PLXNB2: variants seen among roughly 807,000 people sequenced by gnomAD.
PLXNB2 encodes the protein plexin B2, also known as plexin-B2.
Under a neutral mutation model 202.6 loss-of-function variants are expected in PLXNB2, and 85 were observed. That is an observed-to-expected ratio of 0.42 (90% confidence interval 0.35 to 0.50). The LOEUF is 0.50. Ranked by LOEUF, PLXNB2 falls within the 20% of genes least tolerant of loss-of-function variation. The probability of loss-of-function intolerance (pLI) is 0.02; values close to 1 mark genes in which losing one functional copy is unlikely to be tolerated. For missense variants in PLXNB2, 2,063 were observed against 2,586.2 expected (o/e 0.80, Z 4.39); for synonymous variants, 1,239 against 1,137.6 (o/e 1.09, Z -1.79).
intron 1 of PLXNB2, among the ~76,000 whole-genome samples, chr22:50,304,314 TG>T (rs1218936887): frequency 6.6e-6 from 1 of 151,824 alleles, no homozygotes; most frequent in Non-Finnish European, 1.5e-5. Flanking sequence ...GTGGATCCAC[TG>T]GGGGGGTGCG....
At position 50,276,630 on chromosome 22, in the gene PLXNB2, C is replaced by G; in HGVS notation, c.5336G>C (p.Arg1779Pro). Reference protein sequence around the residue: ...DMNTHLAEISRAHTDSLNTLV... With the variant: ...DMNTHLAEISPAHTDSLNTLV... ...GTGCGTCCCTGGTGGTCTCCTTACC[C>G]GGGAAATCTCTGCCAGGTGTGTGTT... Residue 1779 changes from arginine to proline, a missense_variant and splice_region_variant, in exon 35 of 37, where the codon CGG becomes CCG. By Grantham distance (103) the Arg-to-Pro change is moderately radical. Transcript: ENST00000359337. 1 of 1,612,618 alleles carries G rather than the reference C, an allele frequency of 6.2e-7. No individual in the cohort carries two copies. The highest frequency in any genetic ancestry group is 8.5e-7 in the Non-Finnish European group (1 of 1,178,804).
intron 25 of PLXNB2, 143 bp downstream of exon 25, chr22:50,280,346 C>G (rs2065898918): frequency 1.3e-6 from 1 of 779,076 alleles, no homozygotes. Flanking sequence ...GACACCACCC[C>G]TAGACCGCCC....
At chr22:50,276,930 T>C (rs2065642009) in intron 33 of PLXNB2, 24 bp from the exon 34 acceptor site, 1 of 1,573,996 alleles carries the variant, frequency 6.4e-7, no homozygotes, top group Non-Finnish European at 8.6e-7. Context: ...AACCCAGTGA[T>C]GCCTGGCCAA....
chr22:50,286,320 G>A (rs1050320934), intron 8 of PLXNB2, 33 bp from the exon 9 acceptor site: 2 of 1,528,852 alleles, frequency 1.3e-6, no homozygotes, highest in South Asian at 2.2e-5. Flanking sequence ...TGTCAAGGTG[G>A]CGGCCGCAGG....
At position 50,283,712 on chromosome 22, in the gene PLXNB2, G is replaced by A; in HGVS notation, c.2460C>T (p.Arg820=). 2 of 1,613,154 alleles carry A rather than the reference G, an allele frequency of 1.2e-6. No individual in the cohort carries two copies. Among genetic ancestry groups the A allele is most frequent in the Non-Finnish European group, 1.7e-6 (2 of 1,179,948 alleles). The change falls in exon 15 of 37, where the codon CGC becomes CGT. Residue 820 remains arginine, a synonymous_variant. Transcript: ENST00000359337. ...PETGPLGGGI[R]ITILGSNLGV... ...CCAAATTGGACCCCAGGATGGTGAT[G>A]CGGATGCCCCCACCCAGGGGGCCCG...
chr22:50,286,354 C>A, intron 8 of PLXNB2, 67 bp from the exon 9 acceptor site: 2 of 1,168,892 alleles, frequency 1.7e-6, no homozygotes, highest in South Asian at 2.5e-5. Context: ...CTGGGCCTCC[C>A]CTGGGGCTGA....
Position 50,287,966 on chromosome 22 carries a change from G to A in PLXNB2, c.1452C>T (p.Pro484=), listed in dbSNP as rs748337194. Residue 484 remains proline (P), a synonymous_variant, in exon 6 of 37, where the codon CCC becomes CCT. Transcript: ENST00000359337. ...CCTCGACGACGCACCAGCCGCAGTA[G>A]GGGTCCTGGGAGTCGCGGCACTGGG... ...TCTQCRDSQD[P]YCGWCVVEGR... The A allele has an allele frequency of 3.2e-6, 5 of 1,586,526 alleles. No individual in the cohort carries two copies. The highest frequency in any genetic ancestry group is 1.7e-4 in the Middle Eastern group (1 of 6,034).
intron 35 of PLXNB2, among the ~76,000 whole-genome samples, 189 bp from the exon 36 acceptor site, chr22:50,276,152 A>G (rs911580916): frequency 3.0e-4 from 45 of 151,842 alleles, no homozygotes; most frequent in African/African-American, 1.1e-3. Flanking sequence ...AGTTGTGCAC[A>G]TCCAACCATC....
rs1278937702 is a variant in PLXNB2 at position 50,290,075 on chromosome 22, C to T, written c.510G>A (p.Val170=). ...TGTCGTGTGGCCCATTGCCTTTGCC[C>T]ACAAACAGCACGCGGTCACCACCAG... ...TGPGGDRVLF[V]GKGNGPHDNG... is the part of the protein sequence containing the mutation. The change falls in exon 3 of 37, where the codon GTG becomes GTA. Residue 170 remains valine, a synonymous_variant. Transcript: ENST00000359337. 6.2e-7 allele frequency: 1 copy of T among 1,613,340 alleles called. No individual in the cohort carries two copies. Among genetic ancestry groups the T allele is most frequent in the Admixed American group, 1.7e-5 (1 of 60,020 alleles).
chr22:50,292,312 T>C (rs939188757), intron 2 of PLXNB2, among the ~76,000 whole-genome samples: 2 of 126,218 alleles, frequency 1.6e-5, no homozygotes, highest in Non-Finnish European at 3.1e-5. Flanking sequence ...CACTCCAGCC[T>C]GGGTGACAGA....
chr22:50,282,151 C>T lies in PLXNB2; in HGVS notation c.3117+33G>A, dbSNP rs141701432. The T allele has an allele frequency of 4.0e-4, 639 of 1,603,942 alleles. 7 individuals are homozygous for T. The South Asian group carries it at 6.2e-3, about 16-fold the overall frequency. ...CCTTCCTGGGCACGATCCCATGGGC[C>T]GGTGCCAGAGCTGAGCCCACGCCAG... On this transcript the variant is annotated intron_variant, in intron 19 of 36. Coordinates refer to ENST00000359337, the MANE Select transcript of PLXNB2 (RefSeq NM_012401.4).
chr22:50,289,085 G>T lies in PLXNB2; in HGVS notation c.1126C>A (p.Arg376Ser). ...ACGGCTGTGCCTCTGAGCCCGTCGCGGCTGCCCAGCGGGTAGGGCAGGTGC... is the reference window on the plus strand; with the variant it reads ...ACGGCTGTGCCTCTGAGCCCGTCGCTGCTGCCCAGCGGGTAGGGCAGGTGC... ...SEHLPYPLGS[R>S]DGLRGTAVLQ... The change falls in exon 4 of 37, where the codon CGC becomes AGC. Residue 376 changes from arginine (R) to serine (S), a missense_variant. Physicochemically the swap from Arg to Ser is moderately radical, Grantham distance 110. Coordinates refer to ENST00000359337, the MANE Select transcript of PLXNB2 (RefSeq NM_012401.4). This position sits in a 1 kb window ranked among gnomAD's most constrained non-coding sequence, Gnocchi z 8.0. 6.3e-7 allele frequency: 1 copy of T among 1,599,286 alleles called. No individual in the cohort carries two copies. The highest frequency in any genetic ancestry group is 1.1e-5 in the South Asian group (1 of 90,738).
chr22:50,298,026 C>A (rs1397559542), intron 1 of PLXNB2, among the ~76,000 whole-genome samples: 1 of 152,174 alleles, frequency 6.6e-6, no homozygotes, highest in Non-Finnish European at 1.5e-5. Flanking sequence ...AGGGACTGGC[C>A]TTGCTCTGTG....
Position 50,275,594 on chromosome 22 carries a change from C to A in PLXNB2, c.*110G>T, listed in dbSNP as rs891316375. ...GCTGCACCCACTCCGGCTTGGGGCG[C>A]GTTCCAGGGGAGGGTGGGGGCCTCA... On this transcript the variant is annotated 3_prime_UTR_variant, in exon 37 of 37. Coordinates refer to ENST00000359337, the MANE Select transcript of PLXNB2 (RefSeq NM_012401.4). 2 of 744,162 alleles carry A rather than the reference C, an allele frequency of 2.7e-6. No homozygotes were observed. Among genetic ancestry groups the A allele is most frequent in the Non-Finnish European group, 4.5e-6 (2 of 440,810 alleles). The allele number at this position is 744,162 out of a possible 1,614,324, so 46.1% of individuals were successfully genotyped here.
chr22:50,284,273 G>A lies in PLXNB2; in HGVS notation c.2182-60C>T. The stretch of plus-strand genomic sequence containing the variant: ...CCCCCACAGAGGGGCGTGGGGCGGG[G>A]GTCACAAGGGCAGCCTCCCTGTGGC... On this transcript the variant is annotated intron_variant, in intron 12 of 36. Coordinates refer to ENST00000359337, the MANE Select transcript of PLXNB2 (RefSeq NM_012401.4). The surrounding 1 kb of genome is among the most constrained non-coding windows in gnomAD (Gnocchi z 8.0). The A allele has an allele frequency of 6.7e-7, 1 of 1,484,376 alleles. No individual in the cohort carries two copies. Among genetic ancestry groups the A allele is most frequent in the Non-Finnish European group, 9.4e-7 (1 of 1,065,650 alleles). The allele number at this position is 1,484,376 out of a possible 1,614,324, so 92.0% of individuals were successfully genotyped here.
At chr22:50,276,990 C>A in intron 33 of PLXNB2, 84 bp from the exon 34 acceptor site, 1 of 941,074 alleles carries the variant, frequency 1.1e-6, no homozygotes, top group South Asian at 1.4e-5. Flanking sequence ...CTTCCCCTGC[C>A]CCGAACTCCT....
chr22:50,294,688 ACCCACTGCCTTT>A lies in PLXNB2; in HGVS notation c.-14+19_-14+30del. On this transcript the variant is annotated intron_variant, in intron 2 of 36. Coordinates refer to ENST00000359337, the MANE Select transcript of PLXNB2 (RefSeq NM_012401.4). Reference sequence around the variant, plus strand: ...CCTCCCTGTCCACATAGCCCCAGCCACCCACTGCCTTTCCCAGGTGGGGTACAGACCCCTCAC... The same window carrying A: ...CCTCCCTGTCCACATAGCCCCAGCCACCCAGGTGGGGTACAGACCCCTCAC... The A allele has an allele frequency of 1.0e-6, 1 of 959,794 alleles. No individual in the cohort carries two copies. The highest frequency in any genetic ancestry group is 1.2e-6 in the Non-Finnish European group (1 of 806,340). The allele number at this position is 959,794 out of a possible 1,614,324, so 59.5% of individuals were successfully genotyped here. A position where few individuals can be genotyped will look rare whatever the true frequency, so the allele number is the denominator to read the frequency against.
chr22:50,285,776 C>CGGCCGGCACCCCCTCCTTCCGCACCTT (rs1569167835), intron 11 of PLXNB2, 24 bp downstream of exon 11: 1 of 1,560,486 alleles, frequency 6.4e-7, no homozygotes, highest in African/African-American at 1.4e-5. Flanking sequence ...TGCCTGTCAC[C>CGGCCGGCACCCCCTCCTTCCGCACCTT]AGCCGGCACC....
At position 50,283,201 on chromosome 22, in the gene PLXNB2, G is replaced by A; in HGVS notation, c.2680-15C>T. 1 of 1,599,536 alleles carries A rather than the reference G, an allele frequency of 6.3e-7. No individual in the cohort carries two copies. Among genetic ancestry groups the A allele is most frequent in the Non-Finnish European group, 8.5e-7 (1 of 1,173,916 alleles). On this transcript the variant is annotated splice_polypyrimidine_tract_variant and intron_variant, in intron 16 of 36. Coordinates refer to ENST00000359337, the MANE Select transcript of PLXNB2 (RefSeq NM_012401.4). ...GGCTTGGGCTGCTGAAAGAGCCGCA[G>A]GGGCACTCGGGTGAGGACGGGGCAC...
Sources: gnomAD v4.1 joint callset for allele counts (sites outside exome capture counted in the v4.1 genomes callset) on GRCh38, gnomAD v4.1.1 for gene constraint, Gnocchi (gnomAD v3.1) non-coding constraint, MANE v1.5 for transcripts, NCBI Gene and HGNC (gene_info 2026-07-23, HGNC 2026-07-21) for gene names.